The following INTS8 variants were observed in gnomAD, a reference collection of about 807,000 sequenced individuals.
INTS8 encodes the protein integrator complex subunit 8, also known as protein kaonashi-1.
Under a neutral mutation model 138.9 loss-of-function variants are expected in INTS8, and 47 were observed. The observed-to-expected ratio is 0.34, with a 90% confidence interval of 0.27 to 0.43. INTS8 has a LOEUF of 0.43. Among genes scored for constraint, INTS8 ranks in the 20% least tolerant of loss-of-function variants. The pLI is 1.00. For missense variants in INTS8, 996 were observed against 1,173.0 expected (o/e 0.85, Z 2.20); for synonymous variants, 392 against 400.9 (o/e 0.98, Z 0.27).
intron 21 of INTS8, among the ~76,000 whole-genome samples, 168 bp from the exon 22 acceptor site, chr8:94,873,206 A>G (rs1816458794): frequency 1.3e-5 from 2 of 152,204 alleles, no homozygotes; most frequent in Admixed American, 6.5e-5. Context: ...CAGATACTAA[A>G]TTCTGTACTA....
chr8:94,854,349 G>T (rs1302230290), intron 14 of INTS8, among the ~76,000 whole-genome samples: 1 of 152,034 alleles, frequency 6.6e-6, no homozygotes, highest in Non-Finnish European at 1.5e-5. Flanking sequence ...AGGCATTTTG[G>T]TTTGTTCTTT....
chr8:94,843,076 G>A (rs900841801), intron 10 of INTS8, among the ~76,000 whole-genome samples: 4 of 152,132 alleles, frequency 2.6e-5, no homozygotes, highest in Non-Finnish European at 4.4e-5. Context: ...CCTGGCTTTT[G>A]TGATCATAAT....
At chr8:94,830,321 T>G (rs1218581973) in intron 5 of INTS8, among the ~76,000 whole-genome samples, 1 of 152,198 alleles carries the variant, frequency 6.6e-6, no homozygotes, top group South Asian at 2.1e-4. Flanking sequence ...GTGTAGGGGC[T>G]GGGTGAGGAG....
chr8:94,875,917 C>T (rs760122679), intron 23 of INTS8, 157 bp from the exon 24 acceptor site: 5 of 598,358 alleles, frequency 8.4e-6, no homozygotes, highest in South Asian at 4.1e-5. Flanking sequence ...CAGACAGACA[C>T]GTGTATAAAG....
Position 94,872,002 on chromosome 8 carries a change from GGTAAGTGA to G in INTS8, c.2533+2_2533+9del. On this transcript the variant is annotated splice_donor_variant and splice_donor_5th_base_variant and intron_variant, in intron 21 of 26. Coordinates refer to ENST00000523731, the MANE Select transcript of INTS8 (RefSeq NM_017864.4). LOFTEE classifies it high-confidence loss of function. Reference sequence around the variant, plus strand: ...AATTATCCAGGCAGATATTTACTTTGGTAAGTGAGATGTTTAGTTGCTTTGTGTTTTGT... The same window carrying G: ...AATTATCCAGGCAGATATTTACTTTGGATGTTTAGTTGCTTTGTGTTTTGT... The G allele has an allele frequency of 7.1e-7, 1 of 1,406,972 alleles. No individual in the cohort carries two copies. The highest frequency in any genetic ancestry group is 1.0e-6 in the Non-Finnish European group (1 of 997,982). 87.2% of individuals were successfully genotyped at this position (1,406,972 alleles called of 1,614,324 possible). A position where few individuals can be genotyped will look rare whatever the true frequency, so the allele number is the denominator to read the frequency against.
intron 7 of INTS8, among the ~76,000 whole-genome samples, chr8:94,837,633 C>T (rs1005290174): frequency 6.6e-6 from 1 of 151,876 alleles, no homozygotes; most frequent in Non-Finnish European, 1.5e-5. Flanking sequence ...TCTTTGCTCG[C>T]TCCTTTAAAT....
At chr8:94,848,993 C>A (rs1469405894) in intron 10 of INTS8, among the ~76,000 whole-genome samples, 1 of 151,814 alleles carries the variant, frequency 6.6e-6, no homozygotes, top group Non-Finnish European at 1.5e-5. Context: ...ACTTTTTAAA[C>A]CTTGGTTACC....
intron 6 of INTS8, among the ~76,000 whole-genome samples, chr8:94,833,928 C>T (rs7014281): frequency 1.6e-3 from 238 of 152,148 alleles, no homozygotes; most frequent in African/African-American, 5.4e-3. Context: ...TGCACCACCT[C>T]GCCTGGCTAA....
intron 10 of INTS8, among the ~76,000 whole-genome samples, chr8:94,848,526 T>G (rs1815414059): frequency 6.6e-6 from 1 of 152,220 alleles, no homozygotes; most frequent in Non-Finnish European, 1.5e-5. Flanking sequence ...ACTACTAATC[T>G]AATTTCTCTA....
intron 2 of INTS8, 77 bp from the exon 3 acceptor site, chr8:94,827,186 G>A (rs185874961): frequency 6.4e-6 from 8 of 1,257,982 alleles, no homozygotes; most frequent in East Asian, 2.3e-5. Context: ...TATTTTCAGC[G>A]AGGATATGGA....
intron 13 of INTS8, among the ~76,000 whole-genome samples, chr8:94,852,103 C>T (rs372531925): frequency 5.3e-5 from 8 of 151,970 alleles, no homozygotes; most frequent in East Asian, 1.9e-4. Context: ...TCACCATGCC[C>T]GGCTAATTTA....
intron 8 of INTS8, 55 bp from the exon 9 acceptor site, chr8:94,841,435 TA>T: frequency 6.2e-6 from 5 of 811,780 alleles, no homozygotes; most frequent in East Asian, 5.3e-5. Context: ...TTGTTTAAAG[TA>T]AAAAAACTTT....
At chr8:94,872,048 T>C in intron 21 of INTS8, 46 bp downstream of exon 21, 1 of 889,492 alleles carries the variant, frequency 1.1e-6, no homozygotes, top group Non-Finnish European at 1.8e-6. Flanking sequence ...TTATAGCACT[T>C]TTTGAAGTGA....
intron 16 of INTS8, 95 bp from the exon 17 acceptor site, chr8:94,865,411 G>A: frequency 1.0e-6 from 1 of 977,490 alleles, no homozygotes; most frequent in East Asian, 2.5e-5. Flanking sequence ...TGTTTGGGCA[G>A]TCATTCCATC....
chr8:94,876,606 A>T, intron 26 of INTS8, 117 bp downstream of exon 26: 1 of 588,616 alleles, frequency 1.7e-6, no homozygotes, highest in Middle Eastern at 2.6e-4. Context: ...GAATTTTATT[A>T]TCAGTGTTTA....
Position 94,880,736 on chromosome 8 carries a change from CATAA to C in INTS8, c.*508_*511del. On this transcript the variant is annotated 3_prime_UTR_variant, in exon 27 of 27. Transcript: ENST00000523731. ...GAAAGGACCTTAACAGTTTCACAAA[CATAA>C]ATAAAGCCTTAGTCACACTAAATTA... 1 of 396,214 alleles carries C rather than the reference CATAA, an allele frequency of 2.5e-6. No individual in the cohort carries two copies. Among genetic ancestry groups the C allele is most frequent in the Non-Finnish European group, 4.4e-6 (1 of 225,030 alleles). 24.5% of individuals were successfully genotyped at this position (396,214 alleles called of 1,614,324 possible).
intron 25 of INTS8, 53 bp from the exon 26 acceptor site, chr8:94,876,393 T>G: frequency 1.4e-6 from 2 of 1,385,700 alleles, no homozygotes. Flanking sequence ...GAGTTGAGAT[T>G]CTCTCATTAT....
chr8:94,876,021 G>GT (rs1447035685), intron 23 of INTS8, 53 bp from the exon 24 acceptor site: 35 of 1,205,612 alleles, frequency 2.9e-5, no homozygotes, highest in Non-Finnish European at 3.9e-5. Flanking sequence ...AGATTACCTT[G>GT]TAAAACCAAG....
In INTS8 at chr8:94,881,483, G is replaced by T. The variant is rs971666954; in HGVS notation, c.*1249G>T. On this transcript the variant is annotated 3_prime_UTR_variant, in exon 27 of 27. Coordinates refer to ENST00000523731, the MANE Select transcript of INTS8 (RefSeq NM_017864.4). Reference sequence around the variant, plus strand: ...TTAAATGTATTCTTTAGTGCCAATTGTAAGTTTTAAAATCAGAATGGCAGT... The same window carrying T: ...TTAAATGTATTCTTTAGTGCCAATTTTAAGTTTTAAAATCAGAATGGCAGT... The T allele has an allele frequency of 4.4e-6, 3 of 688,928 alleles. No homozygotes were observed. Among genetic ancestry groups the T allele is most frequent in the South Asian group, 2.0e-5 (1 of 49,182 alleles). 42.7% of individuals were successfully genotyped at this position (688,928 alleles called of 1,614,324 possible).
Sources: allele counts gnomAD v4.1 joint callset (sites outside exome capture counted in the v4.1 genomes callset), GRCh38; gene constraint gnomAD v4.1.1; transcripts MANE v1.5; gene names NCBI Gene and HGNC (gene_info 2026-07-23, HGNC 2026-07-21).